PDE8A: variants seen among roughly 807,000 people sequenced by gnomAD.
PDE8A encodes the protein high affinity cAMP-specific and IBMX-insensitive 3',5'-cyclic phosphodiesterase 8A.
Under a neutral mutation model 105.0 loss-of-function variants are expected in PDE8A, and 59 were observed. The ratio of observed to expected loss-of-function variants is 0.56; its 90% CI spans 0.46 to 0.70. PDE8A has a LOEUF of 0.70. Ranked by LOEUF, PDE8A falls within the 30% of genes least tolerant of loss-of-function variation. PDE8A has a pLI of 0.00. For missense variants in PDE8A, 1,014 were observed against 1,045.9 expected (o/e 0.97, Z 0.42); for synonymous variants, 355 against 371.9 (o/e 0.95, Z 0.52).
At chr15:85,023,670 A>G (rs941934194) in intron 1 of PDE8A, among the ~76,000 whole-genome samples, 6 of 152,194 alleles carry the variant, frequency 3.9e-5, no homozygotes, top group African/African-American at 1.4e-4. Flanking sequence ...ATCATGGGAC[A>G]GTTCTGGCTG....
chr15:84,992,629 A>G (rs1458961007), intron 1 of PDE8A, among the ~76,000 whole-genome samples: 1 of 152,206 alleles, frequency 6.6e-6, no homozygotes, highest in Non-Finnish European at 1.5e-5. Context: ...TGGTTCAGGC[A>G]CAAGGTATGA....
intron 8 of PDE8A, 67 bp downstream of exon 8, chr15:85,091,248 T>C (rs1326517173): frequency 7.3e-7 from 1 of 1,365,842 alleles, no homozygotes. Flanking sequence ...TAGTGTTCAT[T>C]GAGTACTACC....
intron 3 of PDE8A, among the ~76,000 whole-genome samples, chr15:85,075,457 G>A (rs1025584804): frequency 6.6e-5 from 10 of 152,236 alleles, no homozygotes; most frequent in East Asian, 5.8e-4. Flanking sequence ...CTTTATCCCC[G>A]TTGTAAGCAT....
intron 6 of PDE8A, among the ~76,000 whole-genome samples, chr15:85,085,154 G>C (rs910781385): frequency 2.0e-5 from 3 of 152,084 alleles, no homozygotes; most frequent in South Asian, 2.1e-4. Flanking sequence ...AGCCTACAAG[G>C]GTCTCCATGG....
intron 15 of PDE8A, chr15:85,115,740 C>CA (rs2082085962): frequency 1.9e-6 from 1 of 536,432 alleles, no homozygotes; most frequent in African/African-American, 1.9e-5. Context: ...GCCAACATGG[C>CA]AAAATCCTGT....
chr15:85,116,641 G>C (rs1264895630), intron 16 of PDE8A, among the ~76,000 whole-genome samples: 1 of 152,188 alleles, frequency 6.6e-6, no homozygotes, highest in African/African-American at 2.4e-5. Context: ...TTAACCAAAG[G>C]TGGTAGTTGG....
chr15:85,046,500 C>T (rs762655992), intron 1 of PDE8A, among the ~76,000 whole-genome samples: 1 of 152,172 alleles, frequency 6.6e-6, no homozygotes, highest in Non-Finnish European at 1.5e-5. Context: ...GTTGACTGCA[C>T]ATTAATTCCA....
intron 14 of PDE8A, among the ~76,000 whole-genome samples, chr15:85,114,759 A>T (rs986756971): frequency 6.6e-6 from 1 of 152,206 alleles, no homozygotes; most frequent in African/African-American, 2.4e-5. Flanking sequence ...TACAATGCTG[A>T]TAATATCTCA....
intron 12 of PDE8A, 101 bp downstream of exon 12, chr15:85,109,231 C>T: frequency 1.4e-6 from 1 of 702,336 alleles, no homozygotes; most frequent in Non-Finnish European, 2.4e-6. Context: ...ACCTCCAATT[C>T]TTGGGAGAGG....
chr15:85,011,405 G>A (rs2080237076), intron 1 of PDE8A, among the ~76,000 whole-genome samples: 1 of 152,014 alleles, frequency 6.6e-6, no homozygotes, highest in Non-Finnish European at 1.5e-5. Context: ...TTTGACCTTT[G>A]GCAAGTTTCA....
At chr15:85,112,116 C>T (rs1488812486) in intron 12 of PDE8A, among the ~76,000 whole-genome samples, 2 of 152,062 alleles carry the variant, frequency 1.3e-5, no homozygotes, top group Non-Finnish European at 2.9e-5. Context: ...ACAGTCATGA[C>T]AATCTTTATA....
intron 1 of PDE8A, among the ~76,000 whole-genome samples, chr15:85,034,614 G>A (rs1165059534): frequency 3.9e-5 from 6 of 152,128 alleles, no homozygotes; most frequent in African/African-American, 1.4e-4. Context: ...AGAGGTATAG[G>A]GTCTATTTAC....
chr15:85,040,815 TC>T (rs1260721025), intron 1 of PDE8A, among the ~76,000 whole-genome samples: 1 of 152,208 alleles, frequency 6.6e-6, no homozygotes, highest in African/African-American at 2.4e-5. Context: ...TGCCTTGGCC[TC>T]CCAAAATGCT....
intron 1 of PDE8A, among the ~76,000 whole-genome samples, chr15:85,027,648 G>A (rs2080540474): frequency 6.6e-6 from 1 of 152,180 alleles, no homozygotes. Flanking sequence ...CAATTTTTGG[G>A]AATAGTGCGA....
chr15:85,100,874 C>T (rs1258406985), intron 11 of PDE8A, among the ~76,000 whole-genome samples: 1 of 152,218 alleles, frequency 6.6e-6, no homozygotes, highest in Non-Finnish European at 1.5e-5. Flanking sequence ...GTGTGCTCTG[C>T]TTGCCCATGT....
intron 1 of PDE8A, among the ~76,000 whole-genome samples, chr15:85,016,271 T>A (rs2080323737): frequency 6.6e-6 from 1 of 152,254 alleles, no homozygotes; most frequent in South Asian, 2.1e-4. Flanking sequence ...CTTTCCATAC[T>A]CCATGTTATA....
At chr15:85,134,798 T>C (rs931561630) in intron 20 of PDE8A, among the ~76,000 whole-genome samples, 1 of 151,878 alleles carries the variant, frequency 6.6e-6, no homozygotes, top group Non-Finnish European at 1.5e-5. Context: ...CCGGAGTGAG[T>C]TGTTGTGCAC....
intron 1 of PDE8A, among the ~76,000 whole-genome samples, chr15:85,008,097 T>A (rs1216051693): frequency 6.6e-6 from 1 of 151,998 alleles, no homozygotes; most frequent in Non-Finnish European, 1.5e-5. Context: ...GTGGCATTGC[T>A]GTGTGTTATG....
At chr15:84,980,926 T>G (rs2079696438), upstream of PDE8A, among the ~76,000 whole-genome samples, 1 of 152,222 alleles carries the variant, frequency 6.6e-6, no homozygotes, top group African/African-American at 2.4e-5. Context: ...CGCCAGGTTT[T>G]GGCCTGCGAG....
Sources: allele counts gnomAD v4.1 joint callset (sites outside exome capture counted in the v4.1 genomes callset), GRCh38; gene constraint gnomAD v4.1.1; transcripts MANE v1.5; gene names NCBI Gene and HGNC (gene_info 2026-07-23, HGNC 2026-07-21).